The following CADM2 variants were observed in gnomAD, a reference collection of about 807,000 sequenced individuals.
The protein encoded by CADM2 is cell adhesion molecule 2, also known as immunoglobulin superfamily member 4D.
A neutral mutation model predicts 49.8 loss-of-function variants in CADM2; 12 were observed. The observed-to-expected ratio is 0.24, with a 90% confidence interval of 0.15 to 0.39. The LOEUF (loss-of-function observed/expected upper bound fraction) is 0.39. Ranked by LOEUF, CADM2 falls within the 10% of genes least tolerant of loss-of-function variation. The probability of loss-of-function intolerance (pLI) is 1.00; values close to 1 mark genes in which losing one functional copy is unlikely to be tolerated. For synonymous variants in CADM2, 214 were observed against 175.4 expected, an observed-to-expected ratio of 1.22 and a Z score of -1.74; for missense variants, 378 against 492.3, an observed-to-expected ratio of 0.77 and a Z score of 2.20.
rs1452653557 is a variant in CADM2 at position 85,607,700 on chromosome 3, A to G, written c.62-118822A>G. ...GAGATGGAATCTTGCTCTATCACCC[A>G]GGCTGGAGTGCAGTGGCGCCATCTC... On this transcript the variant is annotated intron_variant, in intron 1 of 9. Coordinates refer to ENST00000383699, the MANE Select transcript of CADM2 (RefSeq NM_001167675.2). Among the ~76,000 whole-genome samples the G allele has an allele frequency of 3.3e-5, 5 of 151,960 alleles. No homozygotes were observed. In the South Asian group the frequency reaches 6.2e-4, roughly 19 times the overall value.
chr3:85,726,951 T>C (rs895548231), intron 2 of CADM2, among the ~76,000 whole-genome samples: 2 of 152,122 alleles, frequency 1.3e-5, no homozygotes, highest in African/African-American at 4.8e-5. Flanking sequence ...AAATAAAATT[T>C]AATCTTCTAA....
chr3:85,282,464 G>A, intron 1 of CADM2, among the ~76,000 whole-genome samples: 1 of 147,076 alleles, frequency 6.8e-6, no homozygotes, highest in East Asian at 2.0e-4. Context: ...TAGAGACAGG[G>A]TTTCACTATG....
intron 1 of CADM2, among the ~76,000 whole-genome samples, chr3:85,201,775 G>T (rs1456864498): frequency 2.0e-5 from 3 of 151,988 alleles, no homozygotes; most frequent in Non-Finnish European, 4.4e-5. Context: ...CACTTTGTTT[G>T]CTCATGTATA....
chr3:85,586,725 A>G (rs2062956407), intron 1 of CADM2, among the ~76,000 whole-genome samples: 1 of 152,094 alleles, frequency 6.6e-6, no homozygotes, highest in Non-Finnish European at 1.5e-5. Flanking sequence ...ATATGGCTCA[A>G]TTTGACCACA....
At chr3:85,855,617 A>AT (rs374763892) in intron 3 of CADM2, among the ~76,000 whole-genome samples, 590 of 42,086 alleles carry the variant, frequency 0.014, 18 homozygotes, top group Non-Finnish European at 0.018. Context: ...ATATATATAT[A>AT]AAACATATAT....
Position 85,865,109 on chromosome 3 carries a change from A to G in CADM2, c.239-18182A>G, listed in dbSNP as rs536735266. ...GCTGTGTCTGTGTTCTCACTGCTAC[A>G]GGCCTGCAAGCTGTTTGAAGCCACA... On this transcript the variant is annotated intron_variant, in intron 3 of 9. Transcript: ENST00000383699. Among the ~76,000 whole-genome samples, 4 of 152,344 alleles carry G rather than the reference A, an allele frequency of 2.6e-5. No individual in the cohort carries two copies. In the East Asian group the frequency reaches 7.7e-4, roughly 29 times the overall value.
rs184518371 is a variant in CADM2 at position 85,282,556 on chromosome 3, T to A, written c.61+322888T>A. Reference sequence around the variant, plus strand: ...CAAAGTGCTGTGATTACAGGGGTGATCCGCTGTGTCCAGGCATCAAATATA... The same window carrying A: ...CAAAGTGCTGTGATTACAGGGGTGAACCGCTGTGTCCAGGCATCAAATATA... On this transcript the variant is annotated intron_variant, in intron 1 of 9. Transcript: ENST00000383699. Among the ~76,000 whole-genome samples the A allele has an allele frequency of 5.4e-3, 812 of 151,384 alleles. 4 individuals are homozygous for A. The highest frequency in any genetic ancestry group is 0.019 in the African/African-American group (770 of 41,318).
At position 86,074,131 on chromosome 3, in the gene CADM2, T is replaced by TA. The variant is rs1439064120; in HGVS notation, c.*7350dup. 1 of 152,004 alleles carries TA rather than the reference T, an allele frequency of 6.6e-6. No individual in the cohort carries two copies. Among genetic ancestry groups the TA allele is most frequent in the Non-Finnish European group, 1.5e-5 (1 of 67,896 alleles). 9.4% of individuals were successfully genotyped at this position (152,004 alleles called of 1,614,324 possible). A position where few individuals can be genotyped will look rare whatever the true frequency, so the allele number is the denominator to read the frequency against. On this transcript the variant is annotated 3_prime_UTR_variant, in exon 10 of 10. Coordinates refer to ENST00000383699, the MANE Select transcript of CADM2 (RefSeq NM_001167675.2). ...CAAAAATACCTAAACCTATTTTTTT[T>TA]AACCTTCACACTCTAACCAGTATTA...
chr3:85,207,099 T>A (rs1361916695), intron 1 of CADM2, among the ~76,000 whole-genome samples: 1 of 150,222 alleles, frequency 6.7e-6, no homozygotes, highest in Non-Finnish European at 1.5e-5. Context: ...TGCATACACA[T>A]GACAATAGCA....
intron 1 of CADM2, among the ~76,000 whole-genome samples, chr3:85,530,355 G>T (rs2061275228): frequency 8.7e-6 from 1 of 114,720 alleles, no homozygotes; most frequent in Non-Finnish European, 1.6e-5. Flanking sequence ...TTTTGAGACG[G>T]AGTCTCACTC....
At chr3:85,757,046 G>A (rs1190044006) in intron 2 of CADM2, among the ~76,000 whole-genome samples, 1 of 152,088 alleles carries the variant, frequency 6.6e-6, no homozygotes, top group Non-Finnish European at 1.5e-5. Context: ...AGAAGTGAAA[G>A]TTGATGAATA....
intron 2 of CADM2, among the ~76,000 whole-genome samples, chr3:85,769,590 G>GTATATACACATATATACATATATGTATA (rs2069947722): frequency 3.7e-5 from 3 of 80,766 alleles, no homozygotes; most frequent in African/African-American, 2.0e-4. Flanking sequence ...TACATATATA[G>GTATATACACATATATACATATATGTATA]TATATACACA....
intron 1 of CADM2, among the ~76,000 whole-genome samples, chr3:85,380,831 C>A (rs2033861141): frequency 6.6e-6 from 1 of 151,746 alleles, no homozygotes. Flanking sequence ...TCATAAGGAG[C>A]TGTAAAAAGT....
At chr3:86,061,261 A>G (rs1313120318) in intron 8 of CADM2, among the ~76,000 whole-genome samples, 1 of 152,088 alleles carries the variant, frequency 6.6e-6, no homozygotes, top group East Asian at 1.9e-4. Context: ...TGATTCTTCC[A>G]AAATTTTTCT....
chr3:85,092,259 G>C (rs1274507681), intron 1 of CADM2, among the ~76,000 whole-genome samples: 1 of 152,104 alleles, frequency 6.6e-6, no homozygotes, highest in Non-Finnish European at 1.5e-5. Context: ...ACTGATGAAT[G>C]ATACATTTAT....
intron 1 of CADM2, among the ~76,000 whole-genome samples, chr3:85,684,126 T>C (rs1264117962): frequency 6.6e-6 from 1 of 152,242 alleles, no homozygotes; most frequent in Admixed American, 6.5e-5. Flanking sequence ...TATGTCTTAA[T>C]ATTTAAATGT....
At chr3:85,254,793 A>T (rs576833755) in intron 1 of CADM2, among the ~76,000 whole-genome samples, 1 of 152,196 alleles carries the variant, frequency 6.6e-6, no homozygotes, top group Non-Finnish European at 1.5e-5. Flanking sequence ...GCTGTATGGC[A>T]GGAGCTCTAC....
At chr3:85,760,339 C>CT (rs11452370) in intron 2 of CADM2, among the ~76,000 whole-genome samples, 60,442 of 146,802 alleles carry the variant, frequency 0.41, 12,517 homozygotes, top group East Asian at 0.48. Context: ...ATGGATACTT[C>CT]TTTTTTTTTT....
chr3:85,639,547 A>G (rs2064640326), intron 1 of CADM2, among the ~76,000 whole-genome samples: 1 of 152,108 alleles, frequency 6.6e-6, no homozygotes, highest in Admixed American at 6.6e-5. Context: ...TGTTTTTTTC[A>G]TGGTACCCGA....
Sources: gnomAD v4.1 joint callset for allele counts (sites outside exome capture counted in the v4.1 genomes callset) on GRCh38, gnomAD v4.1.1 for gene constraint, MANE v1.5 for transcripts, NCBI Gene and HGNC (gene_info 2026-07-23, HGNC 2026-07-21) for gene names.